The following FAT3 variants were observed in gnomAD, a reference collection of about 807,000 sequenced individuals.
The protein encoded by FAT3 is FAT atypical cadherin 3.
A neutral mutation model predicts 310.2 loss-of-function variants in FAT3; 95 were observed. The ratio of observed to expected loss-of-function variants is 0.31; its 90% CI spans 0.26 to 0.36. The LOEUF (loss-of-function observed/expected upper bound fraction) is 0.36, where lower values mean the gene tolerates loss of function less well. Among genes scored for constraint, FAT3 ranks in the 10% least tolerant of loss-of-function variants. The probability of loss-of-function intolerance (pLI) is 1.00; values close to 1 mark genes in which losing one functional copy is unlikely to be tolerated. For synonymous variants in FAT3, 2,314 were observed against 2,192.9 expected (o/e 1.06, Z -1.54); for missense variants, 5,408 against 5,715.6 (o/e 0.95, Z 1.74).
intron 2 of FAT3, chr11:92,498,663 A>G (rs1952837679): frequency 6.5e-6 from 1 of 153,326 alleles, no homozygotes; most frequent in South Asian, 2.0e-4. Context: ...TTTGCCCTGA[A>G]CATCTTTAGT....
At chr11:92,442,111 A>ATATTTTTTTTTTT (rs1453396603) in intron 2 of FAT3, among the ~76,000 whole-genome samples, 1 of 45,218 alleles carries the variant, frequency 2.2e-5, no homozygotes, top group Non-Finnish European at 3.1e-5. Flanking sequence ...ATATATATAT[A>ATATTTTTTTTTTT]TTTTTTTTTT....
intron 3 of FAT3, among the ~76,000 whole-genome samples, chr11:92,603,513 CAT>C (rs1181407919): frequency 6.6e-6 from 1 of 152,210 alleles, no homozygotes; most frequent in Admixed American, 6.5e-5. Context: ...ACAAGTTCCA[CAT>C]GTCTCACAAT....
At chr11:92,370,209 A>G (rs1323715281) in intron 2 of FAT3, among the ~76,000 whole-genome samples, 1 of 152,214 alleles carries the variant, frequency 6.6e-6, no homozygotes, top group Non-Finnish European at 1.5e-5. Flanking sequence ...CTATATTAGT[A>G]GCGTATCTTA....
intron 2 of FAT3, among the ~76,000 whole-genome samples, chr11:92,424,838 A>G (rs1950597293): frequency 6.6e-6 from 1 of 152,192 alleles, no homozygotes. Context: ...AGACATATGA[A>G]GGAGAATAAA....
intron 3 of FAT3, among the ~76,000 whole-genome samples, chr11:92,546,938 A>G (rs1056996946): frequency 2.0e-5 from 3 of 152,182 alleles, no homozygotes; most frequent in Admixed American, 2.0e-4. Context: ...CTCCTTGTTC[A>G]CAAAACGAAT....
chr11:92,547,132 G>T (rs1247575677), intron 3 of FAT3, among the ~76,000 whole-genome samples: 1 of 152,156 alleles, frequency 6.6e-6, no homozygotes, highest in Non-Finnish European at 1.5e-5. Flanking sequence ...CAGGGCATTG[G>T]CTTTGAAGTT....
intron 2 of FAT3, among the ~76,000 whole-genome samples, chr11:92,516,448 C>G (rs183426395): frequency 6.6e-6 from 1 of 152,160 alleles, no homozygotes; most frequent in Admixed American, 6.5e-5. Flanking sequence ...CCCCTTCATA[C>G]TAAAAACACC....
At chr11:92,606,898 T>G (rs1431977102) in intron 3 of FAT3, among the ~76,000 whole-genome samples, 2 of 152,172 alleles carry the variant, frequency 1.3e-5, no homozygotes, top group East Asian at 1.9e-4. Flanking sequence ...ATGGGTCCCC[T>G]GCCCAAGACA....
At chr11:92,572,207 T>C (rs1007265426) in intron 3 of FAT3, among the ~76,000 whole-genome samples, 2 of 152,306 alleles carry the variant, frequency 1.3e-5, no homozygotes, top group Middle Eastern at 6.8e-3. Context: ...ACAGCTCCAA[T>C]TGAGTGATCT....
At chr11:92,852,999 G>A (rs1384874796) in intron 19 of FAT3, among the ~76,000 whole-genome samples, 1 of 152,196 alleles carries the variant, frequency 6.6e-6, no homozygotes, top group Non-Finnish European at 1.5e-5. Flanking sequence ...CTCTATGGCT[G>A]GTGACACCTT....
Position 92,355,083 on chromosome 11 carries a change from G to T in FAT3, c.2971G>T (p.Ala991Ser), listed in dbSNP as rs1371354469. ...GRFEIDKASG[A>S]IRLSKELDYE... Reference sequence around the variant, plus strand: ...ATTTGAAATAGATAAAGCAAGTGGTGCCATCCGCTTGAGCAAAGAGCTTGA... The same window carrying T: ...ATTTGAAATAGATAAAGCAAGTGGTTCCATCCGCTTGAGCAAAGAGCTTGA... The change falls in exon 2 of 28, where the codon GCC (alanine) becomes TCC (serine). Residue 991 changes from alanine (A) to serine (S), a missense_variant. Coordinates refer to ENST00000525166, the MANE Select transcript of FAT3 (RefSeq NM_001367949.2). 1 of 1,613,716 alleles carries T rather than the reference G, an allele frequency of 6.2e-7. No homozygotes were observed. Among genetic ancestry groups the T allele is most frequent in the Non-Finnish European group, 8.5e-7 (1 of 1,179,828 alleles).
chr11:92,491,226 G>A lies in FAT3; in HGVS notation c.3293-33408G>A, dbSNP rs112123095. Among the ~76,000 whole-genome samples the A allele has an allele frequency of 2.0e-3, 305 of 152,074 alleles. 1 individual carries two copies. Among genetic ancestry groups the A allele is most frequent in the African/African-American group, 6.8e-3 (283 of 41,522 alleles). ...ACTCTAGCTTAGTGACTCTCAGCTG[G>A]TGCCAATTCTCCCTTCCTCCTGTCC... On this transcript the variant is annotated intron_variant, in intron 2 of 27. Transcript: ENST00000525166.
intron 1 of FAT3, among the ~76,000 whole-genome samples, chr11:92,293,427 G>A (rs937611420): frequency 8.8e-5 from 13 of 148,206 alleles, no homozygotes; most frequent in African/African-American, 3.2e-4. Flanking sequence ...AGTGTATGTC[G>A]ATATAAAGAA....
At chr11:92,369,598 C>T (rs185633671) in intron 2 of FAT3, among the ~76,000 whole-genome samples, 91 of 152,142 alleles carry the variant, frequency 6.0e-4, no homozygotes, top group African/African-American at 1.9e-3. Context: ...TAGGTCAAGG[C>T]GGGCAGATCA....
At chr11:92,613,961 G>T (rs868559643) in intron 3 of FAT3, among the ~76,000 whole-genome samples, 47 of 152,142 alleles carry the variant, frequency 3.1e-4, no homozygotes, top group Admixed American at 7.9e-4. Context: ...CTGTACATTT[G>T]CCTACTGTGG....
At position 92,235,155 on chromosome 11, in the gene FAT3, T is replaced by G. The variant is rs146269649; in HGVS notation, c.-18+9981T>G. Among the ~76,000 whole-genome samples, 1,076 of 152,266 alleles carry G rather than the reference T, an allele frequency of 7.1e-3. 5 individuals are homozygous for G. Among genetic ancestry groups the G allele is most frequent in the Non-Finnish European group, 0.012 (808 of 68,018 alleles). On this transcript the variant is annotated intron_variant, in intron 1 of 27. Coordinates refer to ENST00000525166, the MANE Select transcript of FAT3 (RefSeq NM_001367949.2). ...CCTCTGACAATGTCAGTACTTTTGCTGACACTCCCATTTCTAGCCTTTGGA... is the reference window on the plus strand; with the variant it reads ...CCTCTGACAATGTCAGTACTTTTGCGGACACTCCCATTTCTAGCCTTTGGA...
chr11:92,506,191 G>T (rs549607405), intron 2 of FAT3, among the ~76,000 whole-genome samples: 1 of 152,096 alleles, frequency 6.6e-6, no homozygotes, highest in Non-Finnish European at 1.5e-5. Context: ...TTGCATTTTT[G>T]CAAACCTTTC....
At chr11:92,709,732 C>A (rs2135944657) in intron 4 of FAT3, among the ~76,000 whole-genome samples, 1 of 152,284 alleles carries the variant, frequency 6.6e-6, no homozygotes, top group South Asian at 2.1e-4. Flanking sequence ...ACAGAGGAGG[C>A]ACCTAGGTGG....
chr11:92,752,245 C>T (rs1484875930), intron 4 of FAT3, among the ~76,000 whole-genome samples: 3 of 152,216 alleles, frequency 2.0e-5, no homozygotes, highest in African/African-American at 7.2e-5. Context: ...AGATTTTGCC[C>T]TTGGGCTATA....
Sources: gnomAD v4.1 joint callset for allele counts (sites outside exome capture counted in the v4.1 genomes callset) on GRCh38, gnomAD v4.1.1 for gene constraint, MANE v1.5 for transcripts, NCBI Gene and HGNC (gene_info 2026-07-23, HGNC 2026-07-21) for gene names.